The following EIF2AK2 variants were observed in gnomAD, a reference collection of about 807,000 sequenced individuals.
EIF2AK2 encodes the protein interferon-induced, double-stranded RNA-activated protein kinase.
In EIF2AK2, 40 loss-of-function variants were observed where a neutral mutation model predicts 70.5. The ratio of observed to expected loss-of-function variants is 0.57; its 90% CI spans 0.44 to 0.74. The LOEUF (loss-of-function observed/expected upper bound fraction) is 0.74, where lower values mean the gene tolerates loss of function less well. EIF2AK2 is among the 30% of genes least tolerant of loss of function. EIF2AK2 has a pLI of 0.00. For missense variants in EIF2AK2, 555 were observed against 644.3 expected, an observed-to-expected ratio of 0.86 and a Z score of 1.50; for synonymous variants, 198 against 220.9, an observed-to-expected ratio of 0.90 and a Z score of 0.92.
intron 11 of EIF2AK2, among the ~76,000 whole-genome samples, chr2:37,125,914 T>TAAGAAG (rs1263767485): frequency 1.3e-5 from 2 of 152,204 alleles, no homozygotes; most frequent in Non-Finnish European, 2.9e-5. Flanking sequence ...ATCTATAAAA[T>TAAGAAG]AAGAAGGTAA....
At chr2:37,131,907 T>C (rs1160522030) in intron 10 of EIF2AK2, among the ~76,000 whole-genome samples, 9 of 152,176 alleles carry the variant, frequency 5.9e-5, no homozygotes, top group Admixed American at 2.0e-4. Context: ...AGTTAATATA[T>C]ACCACCAATT....
chr2:37,142,519 A>G (rs1675370919), intron 4 of EIF2AK2, among the ~76,000 whole-genome samples: 1 of 151,692 alleles, frequency 6.6e-6, no homozygotes, highest in Non-Finnish European at 1.5e-5. Flanking sequence ...CTTTTATAGT[A>G]ATTTCAACCA....
chr2:37,148,148 T>C (rs1452099598), intron 2 of EIF2AK2, among the ~76,000 whole-genome samples: 1 of 152,050 alleles, frequency 6.6e-6, no homozygotes, highest in Admixed American at 6.6e-5. Flanking sequence ...CGAAACCCCA[T>C]CTCAATTTTG....
At chr2:37,122,394 G>A (rs1674586949) in intron 12 of EIF2AK2, 112 bp downstream of exon 12, 12 of 1,165,102 alleles carry the variant, frequency 1.0e-5, no homozygotes, top group Non-Finnish European at 1.4e-5. Flanking sequence ...TCTCTCAGAG[G>A]GAATTGTGAT....
chr2:37,133,957 A>T (rs1407381281), intron 10 of EIF2AK2, among the ~76,000 whole-genome samples: 1 of 151,286 alleles, frequency 6.6e-6, no homozygotes, highest in Non-Finnish European at 1.5e-5. Flanking sequence ...CGATACAACC[A>T]CTCCTCACTG....
chr2:37,117,003 T>A (rs1337783616), intron 13 of EIF2AK2, among the ~76,000 whole-genome samples: 1 of 151,830 alleles, frequency 6.6e-6, no homozygotes, highest in Non-Finnish European at 1.5e-5. Context: ...CGTGGGCCCA[T>A]CAGTCCAAGG....
At chr2:37,120,264 C>A (rs1393455089) in intron 12 of EIF2AK2, 125 bp from the exon 13 acceptor site, 2 of 638,500 alleles carry the variant, frequency 3.1e-6, no homozygotes, top group East Asian at 4.3e-5. Context: ...TTAAGAACCC[C>A]AAAAACACTT....
intron 13 of EIF2AK2, among the ~76,000 whole-genome samples, chr2:37,119,084 C>T (rs192661870): frequency 3.0e-4 from 46 of 152,190 alleles, no homozygotes; most frequent in Non-Finnish European, 5.6e-4. Flanking sequence ...TTGTGACAGG[C>T]TTAGGCAAGT....
intron 2 of EIF2AK2, among the ~76,000 whole-genome samples, chr2:37,148,029 T>C (rs1675615773): frequency 6.6e-6 from 1 of 152,232 alleles, no homozygotes; most frequent in Non-Finnish European, 1.5e-5. Flanking sequence ...CAAAATTTTC[T>C]ACTTTAAAAA....
rs930930986 is a variant in EIF2AK2 at position 37,102,252 on chromosome 2, T to C, written c.*5021A>G. 1.3e-5 allele frequency: 2 copies of C among 151,744 alleles called. No individual in the cohort carries two copies. Among genetic ancestry groups the C allele is most frequent in the South Asian group, 4.2e-4 (2 of 4,800 alleles). 9.4% of individuals were successfully genotyped at this position (151,744 alleles called of 1,614,324 possible). The stretch of plus-strand genomic sequence containing the variant: ...GAGATCCTGTCTCTTAAAAAAAAAA[T>C]TACAATTAAATACTTCACCAAAAGA... On this transcript the variant is annotated 3_prime_UTR_variant, in exon 17 of 17. Coordinates refer to ENST00000233057, the MANE Select transcript of EIF2AK2 (RefSeq NM_001135651.3).
At chr2:37,148,487 T>G in intron 2 of EIF2AK2, 1 of 552,992 alleles carries the variant, frequency 1.8e-6, no homozygotes, top group Non-Finnish European at 3.4e-6. Flanking sequence ...GTGACCTAGA[T>G]CTCTAGACAA....
chr2:37,139,056 C>A (rs915155973), intron 6 of EIF2AK2, among the ~76,000 whole-genome samples: 7 of 151,506 alleles, frequency 4.6e-5, no homozygotes, highest in Admixed American at 1.3e-4. Flanking sequence ...GTGGCTCAAG[C>A]CTGTAAACCC....
intron 10 of EIF2AK2, among the ~76,000 whole-genome samples, chr2:37,134,878 A>G (rs1358000137): frequency 6.6e-6 from 1 of 152,148 alleles, no homozygotes; most frequent in Non-Finnish European, 1.5e-5. Flanking sequence ...ACCTTTGCCC[A>G]TTCCATCCAT....
rs555062642 is a variant in EIF2AK2, at chr2:37,113,736, T to C, written c.1377+995A>G. On this transcript the variant is annotated intron_variant, in intron 14 of 16. Coordinates refer to ENST00000233057, the MANE Select transcript of EIF2AK2 (RefSeq NM_001135651.3). Reference sequence around the variant, plus strand: ...TAAGTAAATATATGAAAAGAGGGCATACCTTACTAAAAATCTGGAAAATAC... The same window carrying C: ...TAAGTAAATATATGAAAAGAGGGCACACCTTACTAAAAATCTGGAAAATAC... Among the ~76,000 whole-genome samples, 90 of 152,136 alleles carry C rather than the reference T, an allele frequency of 5.9e-4. 1 individual carries two copies. Among genetic ancestry groups the C allele is most frequent in the Admixed American group, 2.9e-3 (45 of 15,270 alleles).
chr2:37,145,334 G>A (rs910156097), intron 4 of EIF2AK2, among the ~76,000 whole-genome samples: 1 of 151,850 alleles, frequency 6.6e-6, no homozygotes, highest in African/African-American at 2.4e-5. Flanking sequence ...GTAGAGACAG[G>A]GTTTCACCGT....
chr2:37,106,505 G>A lies in EIF2AK2; in HGVS notation c.*768C>T, dbSNP rs1180639345. 1 of 151,022 alleles carries A rather than the reference G, an allele frequency of 6.6e-6. No homozygotes were observed. The highest frequency in any genetic ancestry group is 2.4e-5 in the African/African-American group (1 of 41,030). 9.4% of individuals were successfully genotyped at this position (151,022 alleles called of 1,614,324 possible). On this transcript the variant is annotated 3_prime_UTR_variant, in exon 17 of 17. Transcript: ENST00000233057. ...TAGGAATAGAATTGATAGCTATGTGGGTATACATGGATTCAACTTTACTAG... is the reference window on the plus strand; with the variant it reads ...TAGGAATAGAATTGATAGCTATGTGAGTATACATGGATTCAACTTTACTAG...
rs1412764552 is a variant in EIF2AK2, at chr2:37,107,128, T to A, written c.*145A>T. 3.9e-6 allele frequency: 4 copies of A among 1,037,664 alleles called. No individual in the cohort carries two copies. The highest frequency in any genetic ancestry group is 5.2e-6 in the Non-Finnish European group (4 of 769,862). 64.3% of individuals were successfully genotyped at this position (1,037,664 alleles called of 1,614,324 possible). A position where few individuals can be genotyped will look rare whatever the true frequency, so the allele number is the denominator to read the frequency against. On this transcript the variant is annotated 3_prime_UTR_variant, in exon 17 of 17. Coordinates refer to ENST00000233057, the MANE Select transcript of EIF2AK2 (RefSeq NM_001135651.3). ...AAGCAAAAAGAAGAAAACCTTTCTG[T>A]TTCTGCAGAAAGATTAGTAAAAATA...
Position 37,122,525 on chromosome 2 carries a change from T to C in EIF2AK2, c.1048A>G (p.Asn350Asp). ...SLESSDYDPE[N>D]SKNSSRSKTK... ...AGTTACCTTGAACTATTTTTGCTGT[T>C]CTCAGGATCATAATCACTGCTCTCA... is the stretch of plus-strand genomic sequence containing the variant. Residue 350 changes from asparagine (N) to aspartate (D), a missense_variant, in exon 12 of 17, where the codon AAC becomes GAC. Physicochemically the swap from Asn to Asp is conservative, Grantham distance 23 (BLOSUM62 1). Coordinates refer to ENST00000233057, the MANE Select transcript of EIF2AK2 (RefSeq NM_001135651.3). The C allele has an allele frequency of 6.2e-7, 1 of 1,613,448 alleles. No homozygotes were observed. The highest frequency in any genetic ancestry group is 8.5e-7 in the Non-Finnish European group (1 of 1,179,886).
In EIF2AK2 at chr2:37,099,741, A is replaced by C. The variant is rs1673780151; in HGVS notation, c.*7532T>G. 6.6e-6 allele frequency: 1 copy of C among 152,232 alleles called. No individual in the cohort carries two copies. The highest frequency in any genetic ancestry group is 2.4e-5 in the African/African-American group (1 of 41,458). 9.4% of individuals were successfully genotyped at this position (152,232 alleles called of 1,614,324 possible). On this transcript the variant is annotated 3_prime_UTR_variant, in exon 17 of 17. Transcript: ENST00000233057. ...GTAGCATTATTCATGGTAGCCAAAAAGTACAAACAACCCAAATGTCCATCA... is the reference window on the plus strand; with the variant it reads ...GTAGCATTATTCATGGTAGCCAAAACGTACAAACAACCCAAATGTCCATCA...
Sources: allele counts gnomAD v4.1 joint callset (sites outside exome capture counted in the v4.1 genomes callset), GRCh38; gene constraint gnomAD v4.1.1; transcripts MANE v1.5; gene names NCBI Gene and HGNC (gene_info 2026-07-23, HGNC 2026-07-21).